The following TENM3 variants were observed in gnomAD, a reference collection of about 807,000 sequenced individuals.
TENM3 encodes teneurin transmembrane protein 3.
TENM3 carries 63 observed loss-of-function variants against 255.1 expected under a neutral mutation model. The ratio of observed to expected loss-of-function variants is 0.25; its 90% CI spans 0.20 to 0.30. TENM3 has a LOEUF of 0.30. Among genes scored for constraint, TENM3 ranks in the 10% least tolerant of loss-of-function variants. The pLI, the probability that TENM3 is intolerant of heterozygous loss-of-function variation, is 1.00. For missense variants in TENM3, 2,929 were observed against 3,461.1 expected (o/e 0.85, Z 3.86); for synonymous variants, 1,306 against 1,322.3 (o/e 0.99, Z 0.27).
intron 1 of TENM3, among the ~76,000 whole-genome samples, chr4:182,156,144 A>T (rs915498197): frequency 5.3e-5 from 8 of 151,988 alleles, no homozygotes; most frequent in African/African-American, 1.9e-4. Flanking sequence ...CCATGGATGA[A>T]TCTATTAGTT....
At chr4:182,353,694 G>A (rs987436347) in intron 3 of TENM3, among the ~76,000 whole-genome samples, 4 of 152,300 alleles carry the variant, frequency 2.6e-5, no homozygotes, top group Non-Finnish European at 5.9e-5. Flanking sequence ...CTGGCTGGGC[G>A]TGGTGGCTCA....
At chr4:182,331,120 T>A (rs930340056) in intron 2 of TENM3, among the ~76,000 whole-genome samples, 8 of 152,148 alleles carry the variant, frequency 5.3e-5, no homozygotes, top group African/African-American at 9.7e-5. Flanking sequence ...GGAAAGGGAT[T>A]GACTAGCAGT....
the TENM3 span, among the ~76,000 whole-genome samples, chr4:181,593,052 T>C: frequency 6.6e-6 from 1 of 152,316 alleles, no homozygotes; most frequent in African/African-American, 2.4e-5. Flanking sequence ...CCTTTGTAGG[T>C]ACAGGTTTTC....
At chr4:181,631,861 A>G in the TENM3 span, among the ~76,000 whole-genome samples, 4 of 152,192 alleles carry the variant, frequency 2.6e-5, no homozygotes, top group African/African-American at 9.7e-5. Context: ...AAAGTGTGGC[A>G]TTCACTGCTC....
chr4:182,655,382 AT>A (rs950609141), intron 6 of TENM3, among the ~76,000 whole-genome samples: 1 of 152,184 alleles, frequency 6.6e-6, no homozygotes, highest in African/African-American at 2.4e-5. Context: ...ACCTTTTATT[AT>A]GATTAAAATG....
At chr4:182,107,637 G>A in the TENM3 span, among the ~76,000 whole-genome samples, 12 of 152,300 alleles carry the variant, frequency 7.9e-5, no homozygotes, top group South Asian at 1.0e-3. Flanking sequence ...TCCACGAAGC[G>A]AGGAAAGTCA....
intron 24 of TENM3, among the ~76,000 whole-genome samples, chr4:182,788,358 G>A (rs541194703): frequency 2.0e-4 from 31 of 152,298 alleles, no homozygotes; most frequent in Middle Eastern, 3.4e-3. Flanking sequence ...GCCTCGGATG[G>A]CAGACGGTAA....
chr4:181,685,078 T>G, the TENM3 span, among the ~76,000 whole-genome samples: 12 of 152,030 alleles, frequency 7.9e-5, no homozygotes, highest in African/African-American at 2.9e-4. Context: ...CTTGTTTTTT[T>G]GTTTTGTTTT....
the TENM3 span, among the ~76,000 whole-genome samples, chr4:181,694,446 G>T: frequency 6.6e-6 from 1 of 152,164 alleles, no homozygotes; most frequent in African/African-American, 2.4e-5. Context: ...GTGTTAACAG[G>T]CTCGTTGTGT....
intron 3 of TENM3, among the ~76,000 whole-genome samples, chr4:182,595,347 T>C (rs1194199361): frequency 1.3e-5 from 2 of 152,188 alleles, no homozygotes; most frequent in African/African-American, 2.4e-5. Flanking sequence ...ATCCAATAGC[T>C]CGTAGCATTT....
chr4:182,205,475 T>C (rs1011548692), intron 1 of TENM3, among the ~76,000 whole-genome samples: 4 of 152,222 alleles, frequency 2.6e-5, no homozygotes, highest in Non-Finnish European at 5.9e-5. Context: ...CCTTGGAGCC[T>C]GGCTCTTGAT....
At chr4:181,637,858 G>A in the TENM3 span, among the ~76,000 whole-genome samples, 3 of 152,152 alleles carry the variant, frequency 2.0e-5, no homozygotes, top group Admixed American at 6.5e-5. Context: ...TCAGAGCCTA[G>A]AACAGAAATA....
chr4:181,551,486 G>A, the TENM3 span, among the ~76,000 whole-genome samples: 41 of 152,212 alleles, frequency 2.7e-4, no homozygotes, highest in African/African-American at 7.7e-4. Flanking sequence ...ACTATGAAGC[G>A]TTGCTCTGTG....
chr4:182,367,195 A>C (rs1766487463), intron 3 of TENM3, among the ~76,000 whole-genome samples: 1 of 152,178 alleles, frequency 6.6e-6, no homozygotes, highest in Non-Finnish European at 1.5e-5. Context: ...GCAGGACAGC[A>C]GTACGTACTT....
At chr4:181,882,121 C>G in the TENM3 span, among the ~76,000 whole-genome samples, 6 of 152,164 alleles carry the variant, frequency 3.9e-5, no homozygotes, top group Non-Finnish European at 8.8e-5. Flanking sequence ...TGAGTCCCCC[C>G]CGTTCGCCTG....
chr4:181,780,744 T>C, the TENM3 span, among the ~76,000 whole-genome samples: 1 of 152,232 alleles, frequency 6.6e-6, no homozygotes, highest in African/African-American at 2.4e-5. Context: ...TGCTTAGGTT[T>C]TCTTCTAGGG....
chr4:182,392,213 C>G (rs1264925997), intron 3 of TENM3, among the ~76,000 whole-genome samples: 2 of 152,156 alleles, frequency 1.3e-5, no homozygotes, highest in Admixed American at 1.3e-4. Context: ...CTCTCCATTG[C>G]TGCAGCCACC....
At chr4:182,347,213 A>G (rs1318488264) in intron 3 of TENM3, among the ~76,000 whole-genome samples, 1 of 152,066 alleles carries the variant, frequency 6.6e-6, no homozygotes, top group African/African-American at 2.4e-5. Flanking sequence ...TTAATCATCT[A>G]CAGAAAAAAA....
At chr4:181,713,392 A>C in the TENM3 span, among the ~76,000 whole-genome samples, 3 of 152,188 alleles carry the variant, frequency 2.0e-5, no homozygotes, top group African/African-American at 4.8e-5. Context: ...CTGAAACCCC[A>C]TTATGTGGGA....
Sources: allele counts gnomAD v4.1 joint callset (sites outside exome capture counted in the v4.1 genomes callset), GRCh38; gene constraint gnomAD v4.1.1; transcripts MANE v1.5; gene names NCBI Gene and HGNC (gene_info 2026-07-23, HGNC 2026-07-21).